Variants in NETO1 observed in about 807,000 individuals in gnomAD.
NETO1 encodes the protein neuropilin and tolloid-like protein 1.
In NETO1, 26 loss-of-function variants were observed where a neutral mutation model predicts 61.3. The observed-to-expected ratio is 0.42, with a 90% CI of 0.31 to 0.59. NETO1 has a LOEUF of 0.59. Ranked by LOEUF, NETO1 falls within the 20% of genes least tolerant of loss-of-function variation. The pLI is 0.12. For missense variants in NETO1, 531 were observed against 662.8 expected (o/e 0.80, Z 2.18); for synonymous variants, 225 against 225.8 (o/e 1.00, Z 0.03).
At chr18:72,805,734 G>A (rs1164780249) in intron 4 of NETO1, among the ~76,000 whole-genome samples, 2 of 152,098 alleles carry the variant, frequency 1.3e-5, no homozygotes, top group Admixed American at 6.5e-5. Flanking sequence ...AATGTCATCT[G>A]GTCTACTGGG....
chr18:72,860,335 G>A (rs574897664), intron 3 of NETO1, among the ~76,000 whole-genome samples: 4 of 152,160 alleles, frequency 2.6e-5, no homozygotes, highest in Non-Finnish European at 5.9e-5. Flanking sequence ...ATGCAGAATG[G>A]TGGCTGTCCA....
At position 72,845,394 on chromosome 18, in the gene NETO1, T is replaced by C. The variant is rs538424574; in HGVS notation, c.469+13432A>G. On this transcript the variant is annotated intron_variant, in intron 4 of 10. Transcript: ENST00000327305. ...TAGCACTGTAGTCCATGTTTAACTA[T>C]GTTTCATGCAACTATTGTATATATA... 8.2e-4 allele frequency among the ~76,000 whole-genome samples: 125 copies of C among 152,360 alleles called. 2 individuals carry two copies. In the South Asian group the frequency reaches 0.023, roughly 28 times the overall value.
chr18:72,799,697 C>A (rs547823090), intron 4 of NETO1, among the ~76,000 whole-genome samples: 2 of 152,228 alleles, frequency 1.3e-5, no homozygotes, highest in African/African-American at 4.8e-5. Flanking sequence ...CATCTGCTTG[C>A]GCAGCTCTGA....
intron 4 of NETO1, among the ~76,000 whole-genome samples, chr18:72,806,174 G>C (rs2072669068): frequency 6.6e-6 from 1 of 152,114 alleles, no homozygotes; most frequent in Non-Finnish European, 1.5e-5. Flanking sequence ...TTGGGTTCAA[G>C]CAAGTTGATC....
intron 4 of NETO1, among the ~76,000 whole-genome samples, chr18:72,838,379 T>C (rs1943667): frequency 0.96 from 146,243 of 152,300 alleles, 70,303 homozygotes; most frequent in Non-Finnish European, 0.99. Context: ...TTAAGATGAG[T>C]CTTGTGACAT....
chr18:72,825,023 T>C (rs1004935707), intron 4 of NETO1, among the ~76,000 whole-genome samples: 3 of 152,192 alleles, frequency 2.0e-5, no homozygotes, highest in African/African-American at 7.2e-5. Flanking sequence ...TCTACAGCCA[T>C]GGACTCATAA....
intron 4 of NETO1, among the ~76,000 whole-genome samples, chr18:72,846,128 T>C (rs1444723951): frequency 1.3e-5 from 2 of 151,590 alleles, no homozygotes; most frequent in African/African-American, 2.4e-5. Flanking sequence ...TGGGGCTGAC[T>C]GGGTCAAAAG....
At position 72,783,667 on chromosome 18, in the gene NETO1, G is replaced by A; in HGVS notation, c.868+11C>T. On this transcript the variant is annotated intron_variant, in intron 7 of 10. Coordinates refer to ENST00000327305, the MANE Select transcript of NETO1 (RefSeq NM_138966.5). ...TACGAAGGAAAAATAGTCAAGTGCAGAGAATCTTACGTTCTTGAAAGGATG... is the reference window on the plus strand; with the variant it reads ...TACGAAGGAAAAATAGTCAAGTGCAAAGAATCTTACGTTCTTGAAAGGATG... The A allele has an allele frequency of 6.2e-7, 1 of 1,611,802 alleles. No individual in the cohort carries two copies. Among genetic ancestry groups the A allele is most frequent in the Non-Finnish European group, 8.5e-7 (1 of 1,177,926 alleles).
chr18:72,811,238 C>T (rs920124926), intron 4 of NETO1, among the ~76,000 whole-genome samples: 2 of 152,116 alleles, frequency 1.3e-5, no homozygotes, highest in African/African-American at 4.8e-5. Flanking sequence ...CTCACCCTAA[C>T]GGCACCACCT....
intron 4 of NETO1, among the ~76,000 whole-genome samples, chr18:72,846,202 A>G (rs2074077011): frequency 6.6e-6 from 1 of 151,424 alleles, no homozygotes; most frequent in Non-Finnish European, 1.5e-5. Flanking sequence ...ACAGCCTAGG[A>G]GTTGTCAATA....
In NETO1 at chr18:72,756,708, A is replaced by T. The variant is rs1013606401; in HGVS notation, c.869-561T>A. Among the ~76,000 whole-genome samples, 11 of 152,136 alleles carry T rather than the reference A, an allele frequency of 7.2e-5. No homozygotes were observed. In the South Asian group the frequency reaches 1.0e-3, roughly 14 times the overall value. On this transcript the variant is annotated intron_variant, in intron 7 of 10. Coordinates refer to ENST00000327305, the MANE Select transcript of NETO1 (RefSeq NM_138966.5). ...AAAATATATTATGCTTATTACATTTAATATATATGGTGATAAAATTAGCTT... is the reference window on the plus strand; with the variant it reads ...AAAATATATTATGCTTATTACATTTTATATATATGGTGATAAAATTAGCTT...
chr18:72,796,764 G>A (rs1179283568), intron 4 of NETO1, among the ~76,000 whole-genome samples: 5 of 151,458 alleles, frequency 3.3e-5, no homozygotes, highest in Admixed American at 6.6e-5. Flanking sequence ...GCGCCCGGCC[G>A]AAAATAGATT....
intron 3 of NETO1, among the ~76,000 whole-genome samples, chr18:72,863,991 C>T (rs2074658562): frequency 6.6e-6 from 1 of 152,034 alleles, no homozygotes; most frequent in Non-Finnish European, 1.5e-5. Context: ...AGGCCAAAGT[C>T]GGTGGATCAC....
chr18:72,846,868 G>A lies in NETO1; in HGVS notation c.469+11958C>T, dbSNP rs115627500. Among the ~76,000 whole-genome samples, 1,365 of 152,272 alleles carry A rather than the reference G, an allele frequency of 9.0e-3. 16 individuals carry two copies. The highest frequency in any genetic ancestry group is 0.031 in the African/African-American group (1,297 of 41,546). ...CATTGCCATGGCAACCCTCATCTGT[G>A]CCTTCCTATTTCATCGGGACAGCCA... On this transcript the variant is annotated intron_variant, in intron 4 of 10. Transcript: ENST00000327305.
In NETO1 at chr18:72,841,468, C is replaced by A. The variant is rs555002124; in HGVS notation, c.469+17358G>T. ...GCCATTTTGGCCGGGTGCGGTGGCT[C>A]ACGTCTGCAACCCCAACACTTTGGG... On this transcript the variant is annotated intron_variant, in intron 4 of 10. Coordinates refer to ENST00000327305, the MANE Select transcript of NETO1 (RefSeq NM_138966.5). 3.3e-5 allele frequency among the ~76,000 whole-genome samples: 5 copies of A among 152,088 alleles called. No homozygotes were observed. In the East Asian group the frequency reaches 7.8e-4, roughly 24 times the overall value.
In NETO1 at chr18:72,780,700, G is replaced by A. The variant is rs116767040; in HGVS notation, c.868+2978C>T. ...AGATGAACATTTTTCCCCCTAAATT[G>A]CGCTCAAAAGTTTCCCTATAACTTT... is the stretch of plus-strand genomic sequence containing the variant. On this transcript the variant is annotated intron_variant, in intron 7 of 10. Transcript: ENST00000327305. Among the ~76,000 whole-genome samples the A allele has an allele frequency of 8.8e-3, 1,337 of 152,162 alleles. 17 individuals carry two copies. Among genetic ancestry groups the A allele is most frequent in the African/African-American group, 0.03 (1,258 of 41,504 alleles).
intron 4 of NETO1, among the ~76,000 whole-genome samples, chr18:72,832,395 G>C (rs969178024): frequency 6.6e-6 from 1 of 152,036 alleles, no homozygotes; most frequent in African/African-American, 2.4e-5. Context: ...TAAAGATCAA[G>C]TTTTTTTCTT....
rs1371693158 is a variant in NETO1 at position 72,745,716 on chromosome 18, G to A, written c.*2463C>T. 1 of 152,134 alleles carries A rather than the reference G, an allele frequency of 6.6e-6. No individual in the cohort carries two copies. Among genetic ancestry groups the A allele is most frequent in the Non-Finnish European group, 1.5e-5 (1 of 68,028 alleles). 9.4% of individuals were successfully genotyped at this position (152,134 alleles called of 1,614,324 possible). ...AATTTCAATACTGGCTGATAAATAA[G>A]CACCGCCAGAGCCCTCCAGAGAACA... On this transcript the variant is annotated 3_prime_UTR_variant, in exon 11 of 11. Transcript: ENST00000327305.
intron 7 of NETO1, among the ~76,000 whole-genome samples, chr18:72,766,316 T>C (rs2071159347): frequency 6.6e-6 from 1 of 151,878 alleles, no homozygotes; most frequent in Middle Eastern, 3.4e-3. Context: ...ATAAAAAATA[T>C]ATAAAATATA....
Sources: allele counts gnomAD v4.1 joint callset (sites outside exome capture counted in the v4.1 genomes callset), GRCh38; gene constraint gnomAD v4.1.1; transcripts MANE v1.5; gene names NCBI Gene and HGNC (gene_info 2026-07-23, HGNC 2026-07-21).